Variants in PPP1R9A observed in about 807,000 individuals in gnomAD.
The protein encoded by PPP1R9A is neurabin-1.
A neutral mutation model predicts 141.9 loss-of-function variants in PPP1R9A; 59 were observed. The observed-to-expected ratio is 0.42, with a 90% CI of 0.34 to 0.52. The LOEUF is 0.52. Ranked by LOEUF, PPP1R9A falls within the 20% of genes least tolerant of loss-of-function variation. The pLI, the probability that PPP1R9A is intolerant of heterozygous loss-of-function variation, is 0.10. For synonymous variants in PPP1R9A, 500 were observed against 569.7 expected (o/e 0.88, Z 1.74); for missense variants, 1,444 against 1,611.9 (o/e 0.90, Z 1.78).
chr7:95,045,269 A>G (rs1053183283), intron 2 of PPP1R9A, among the ~76,000 whole-genome samples: 3 of 152,198 alleles, frequency 2.0e-5, no homozygotes, highest in African/African-American at 4.8e-5. Flanking sequence ...GCTTTAGAGC[A>G]GGAAACAAAG....
chr7:95,078,595 C>A (rs1211477665), intron 2 of PPP1R9A, among the ~76,000 whole-genome samples: 1 of 152,200 alleles, frequency 6.6e-6, no homozygotes, highest in Non-Finnish European at 1.5e-5. Flanking sequence ...ACAGTCCCAA[C>A]AACAGTGTAA....
chr7:95,016,198 AT>A (rs1353437916), intron 2 of PPP1R9A, among the ~76,000 whole-genome samples: 2 of 152,142 alleles, frequency 1.3e-5, no homozygotes, highest in African/African-American at 4.8e-5. Flanking sequence ...CAGATTTCTC[AT>A]TGGAAATCAT....
At chr7:95,109,428 G>C (rs149456346) in intron 2 of PPP1R9A, among the ~76,000 whole-genome samples, 3 of 152,282 alleles carry the variant, frequency 2.0e-5, no homozygotes, top group African/African-American at 4.8e-5. Context: ...TCAAACATGA[G>C]TTTAGAACTG....
chr7:94,909,850 A>T (rs1228897869), intron 1 of PPP1R9A, 48 bp from the exon 2 acceptor site: 2 of 309,512 alleles, frequency 6.5e-6, no homozygotes, highest in Non-Finnish European at 1.2e-5. Context: ...ACTAGACATA[A>T]ATTCAAATAA....
chr7:94,908,666 C>CCCGCCT, intron 1 of PPP1R9A: 1 of 152,398 alleles, frequency 6.6e-6, no homozygotes, highest in Middle Eastern at 3.4e-3. Flanking sequence ...CTCCCCCGCC[C>CCCGCCT]CCGCCTCCTT....
rs190397014 is a variant in PPP1R9A, at chr7:95,107,696, G to A, written c.1396-3563G>A. Among the ~76,000 whole-genome samples, 231 of 152,190 alleles carry A rather than the reference G, an allele frequency of 1.5e-3. 1 individual carries two copies. The highest frequency in any genetic ancestry group is 2.0e-3 in the Non-Finnish European group (139 of 67,988). On this transcript the variant is annotated intron_variant, in intron 2 of 19. Transcript: ENST00000433360. Reference sequence around the variant, plus strand: ...CTCAAACTATATTGCCTTAATAAGCGAAGTTTTATTATGTGTTTTGATATC... The same window carrying A: ...CTCAAACTATATTGCCTTAATAAGCAAAGTTTTATTATGTGTTTTGATATC...
At chr7:95,282,479 G>A (rs1463086845) in intron 16 of PPP1R9A, among the ~76,000 whole-genome samples, 1 of 152,168 alleles carries the variant, frequency 6.6e-6, no homozygotes, top group Non-Finnish European at 1.5e-5. Context: ...CATTCCTAGA[G>A]TTGTAAAGCT....
intron 5 of PPP1R9A, among the ~76,000 whole-genome samples, chr7:95,186,448 A>G (rs1834665996): frequency 6.6e-6 from 1 of 152,168 alleles, no homozygotes; most frequent in Non-Finnish European, 1.5e-5. Context: ...GTAAACGATC[A>G]TATCATCTGC....
At chr7:95,033,740 G>A (rs980621748) in intron 2 of PPP1R9A, among the ~76,000 whole-genome samples, 3 of 151,956 alleles carry the variant, frequency 2.0e-5, no homozygotes, top group Non-Finnish European at 4.4e-5. Flanking sequence ...TGGACATCTA[G>A]TGGTCTCAAT....
intron 2 of PPP1R9A, among the ~76,000 whole-genome samples, chr7:94,915,434 G>A (rs1269398100): frequency 6.6e-6 from 1 of 152,116 alleles, no homozygotes; most frequent in Non-Finnish European, 1.5e-5. Flanking sequence ...TCACTTGGGA[G>A]ATCTTGTTAG....
intron 7 of PPP1R9A, among the ~76,000 whole-genome samples, chr7:95,215,162 T>C (rs568851431): frequency 4.2e-4 from 52 of 122,816 alleles, no homozygotes; most frequent in African/African-American, 1.6e-3. Flanking sequence ...GATGTTCCCC[T>C]TCCTGTGTCC....
At chr7:94,984,497 C>G (rs1171370147) in intron 2 of PPP1R9A, among the ~76,000 whole-genome samples, 1 of 152,106 alleles carries the variant, frequency 6.6e-6, no homozygotes, top group Non-Finnish European at 1.5e-5. Context: ...TAATTATTGC[C>G]TCAATTTCAG....
At chr7:94,932,697 A>G (rs1371441779) in intron 2 of PPP1R9A, among the ~76,000 whole-genome samples, 1 of 152,016 alleles carries the variant, frequency 6.6e-6, no homozygotes, top group Non-Finnish European at 1.5e-5. Context: ...TAAGTATGAT[A>G]CATCTTTTTC....
chr7:95,075,652 G>A (rs753358162), intron 2 of PPP1R9A, among the ~76,000 whole-genome samples: 2 of 152,024 alleles, frequency 1.3e-5, no homozygotes, highest in Non-Finnish European at 2.9e-5. Context: ...TGGCTAACAC[G>A]GTGAAACCCC....
chr7:94,946,173 G>T (rs1424981093), intron 2 of PPP1R9A, among the ~76,000 whole-genome samples: 2 of 152,024 alleles, frequency 1.3e-5, no homozygotes, highest in Non-Finnish European at 2.9e-5. Context: ...GTTTCCATAG[G>T]TACCATTACT....
chr7:95,119,433 G>A (rs1433862896), intron 3 of PPP1R9A, among the ~76,000 whole-genome samples: 2 of 152,138 alleles, frequency 1.3e-5, no homozygotes, highest in Non-Finnish European at 2.9e-5. Flanking sequence ...TTAGAGATAT[G>A]GACATTGAGG....
Position 95,292,721 on chromosome 7 carries a change from T to G in PPP1R9A, c.*2418T>G, listed in dbSNP as rs963731034. 3 of 152,348 alleles carry G rather than the reference T, an allele frequency of 2.0e-5. No homozygotes were observed. The highest frequency in any genetic ancestry group is 3.4e-3 in the Middle Eastern group (1 of 294). The allele number at this position is 152,348 out of a possible 1,614,324, so 9.4% of individuals were successfully genotyped here. A position where few individuals can be genotyped will look rare whatever the true frequency, so the allele number is the denominator to read the frequency against. On this transcript the variant is annotated 3_prime_UTR_variant, in exon 20 of 20. Coordinates refer to ENST00000433360, the MANE Select transcript of PPP1R9A (RefSeq NM_001166160.2). ...AGTAATTTTAGGCCGAAGTGAGTTA[T>G]TTTAACATTACCACTTAAAACGGAT...
At chr7:95,255,507 A>C (rs923752537) in intron 12 of PPP1R9A, among the ~76,000 whole-genome samples, 2 of 152,090 alleles carry the variant, frequency 1.3e-5, no homozygotes, top group Admixed American at 6.6e-5. Context: ...ATTATTTTGA[A>C]CACCGAAAAC....
chr7:95,145,148 G>A (rs992506548), intron 4 of PPP1R9A, among the ~76,000 whole-genome samples: 4 of 152,180 alleles, frequency 2.6e-5, no homozygotes, highest in South Asian at 2.1e-4. Context: ...AGAAATGTCC[G>A]TACTAGCTAT....
Sources: gnomAD v4.1 joint callset for allele counts (sites outside exome capture counted in the v4.1 genomes callset) on GRCh38, gnomAD v4.1.1 for gene constraint, MANE v1.5 for transcripts, NCBI Gene and HGNC (gene_info 2026-07-23, HGNC 2026-07-21) for gene names.